ADCY3: variants seen among roughly 807,000 people sequenced by gnomAD.
ADCY3 encodes adenylate cyclase type 3.
ADCY3 carries 70 observed loss-of-function variants against 119.4 expected under a neutral mutation model. The ratio of observed to expected loss-of-function variants is 0.59; its 90% CI spans 0.48 to 0.72. ADCY3 has a LOEUF of 0.72. Among genes scored for constraint, ADCY3 ranks in the 30% least tolerant of loss-of-function variants. The probability of loss-of-function intolerance (pLI) is 0.00; values close to 1 mark genes in which losing one functional copy is unlikely to be tolerated. For synonymous variants in ADCY3, 672 were observed against 621.4 expected, an observed-to-expected ratio of 1.08 and a Z score of -1.21; for missense variants, 1,238 against 1,541.6, an observed-to-expected ratio of 0.80 and a Z score of 3.30.
chr2:24,839,799 G>T lies in ADCY3; in HGVS notation c.1355+74C>A, dbSNP rs1431370638. 3.7e-6 allele frequency: 6 copies of T among 1,600,946 alleles called. No homozygotes were observed. The East Asian group carries it at 1.1e-4, about 30-fold the overall frequency. ...CTGAGGCCCCCTGTCCCTCATCAGG[G>T]TCACAGCCCTGGGGGATGGAGGGGA... On this transcript the variant is annotated intron_variant, in intron 7 of 21. Coordinates refer to ENST00000679454, the MANE Select transcript of ADCY3 (RefSeq NM_004036.5).
At chr2:24,829,056 G>A (rs570143839) in intron 13 of ADCY3, among the ~76,000 whole-genome samples, 4 of 149,112 alleles carry the variant, frequency 2.7e-5, no homozygotes, top group African/African-American at 7.4e-5. Flanking sequence ...TCGCTCTGTC[G>A]CCCAGACTGG....
chr2:24,832,342 C>T (rs1282419766), intron 11 of ADCY3, among the ~76,000 whole-genome samples: 1 of 152,108 alleles, frequency 6.6e-6, no homozygotes, highest in Non-Finnish European at 1.5e-5. Flanking sequence ...TAGGAATGCA[C>T]CCCTGCCATG....
chr2:24,887,651 T>C (rs1420635625), intron 2 of ADCY3, among the ~76,000 whole-genome samples: 1 of 151,364 alleles, frequency 6.6e-6, no homozygotes, highest in Non-Finnish European at 1.5e-5. Context: ...ACACCTCCTC[T>C]CGGTGAGGCC....
intron 11 of ADCY3, among the ~76,000 whole-genome samples, chr2:24,833,647 T>A (rs1441444351): frequency 6.6e-6 from 1 of 152,260 alleles, no homozygotes; most frequent in African/African-American, 2.4e-5. Flanking sequence ...GGGGTTTCTG[T>A]GTGCCGCATC....
At chr2:24,860,067 CCT>C (rs1362907593) in intron 3 of ADCY3, among the ~76,000 whole-genome samples, 1 of 152,178 alleles carries the variant, frequency 6.6e-6, no homozygotes, top group Non-Finnish European at 1.5e-5. Context: ...TAGGCCTGCC[CCT>C]GTCATCCCTC....
intron 3 of ADCY3, among the ~76,000 whole-genome samples, chr2:24,849,037 T>G (rs1298237801): frequency 6.6e-6 from 1 of 152,104 alleles, no homozygotes; most frequent in Non-Finnish European, 1.5e-5. Context: ...GGAGGCGTGG[T>G]CAGGTGTGTG....
chr2:24,845,741 A>G (rs1380593539), intron 3 of ADCY3, among the ~76,000 whole-genome samples: 1 of 152,246 alleles, frequency 6.6e-6, no homozygotes, highest in East Asian at 1.9e-4. Context: ...CAATAGGGAA[A>G]ATGTCTCCAG....
intron 15 of ADCY3, 33 bp from the exon 16 acceptor site, chr2:24,826,159 T>C (rs754040252): frequency 9.4e-6 from 15 of 1,596,036 alleles, no homozygotes; most frequent in Non-Finnish European, 1.2e-5. Flanking sequence ...CTGAAAGGGC[T>C]GTCATCTGCC....
At chr2:24,902,792 G>A (rs990196763) in intron 2 of ADCY3, among the ~76,000 whole-genome samples, 3 of 152,204 alleles carry the variant, frequency 2.0e-5, no homozygotes, top group Non-Finnish European at 4.4e-5. Context: ...CACTTTGGGA[G>A]GCCGCGGTGG....
chr2:24,829,641 T>C (rs140564943), intron 13 of ADCY3, among the ~76,000 whole-genome samples: 7,097 of 151,094 alleles, frequency 0.047, 384 homozygotes, highest in African/African-American at 0.13. Context: ...CCAGGATGAT[T>C]TCGATCTCCT....
chr2:24,851,100 C>T (rs1672239547), intron 3 of ADCY3, among the ~76,000 whole-genome samples: 1 of 152,136 alleles, frequency 6.6e-6, no homozygotes, highest in South Asian at 2.1e-4. Context: ...CAGCTGTGAT[C>T]CTATCCCTGA....
At chr2:24,849,959 G>C (rs1672103097) in intron 3 of ADCY3, among the ~76,000 whole-genome samples, 1 of 152,130 alleles carries the variant, frequency 6.6e-6, no homozygotes, top group African/African-American at 2.4e-5. Context: ...TGGTGGCACT[G>C]ACCTGTCTTT....
chr2:24,917,725 C>T (rs1421305301), intron 2 of ADCY3, among the ~76,000 whole-genome samples: 1 of 152,148 alleles, frequency 6.6e-6, no homozygotes, highest in Non-Finnish European at 1.5e-5. Flanking sequence ...CACCATTCTC[C>T]ACTTCATAGA....
rs781401422 is a variant in ADCY3 at position 24,834,538 on chromosome 2, G to A, written c.1914C>T (p.Cys638=). The change falls in exon 11 of 22, where the codon TGC becomes TGT. Residue 638 remains cysteine (C), a synonymous_variant. Transcript: ENST00000679454. The surrounding 1 kb of genome is among the most constrained non-coding windows in gnomAD (Gnocchi z 4.2). ...KEKQSGAAFS[C]SCVVLLCTAL... The stretch of plus-strand genomic sequence containing the variant: ...CCGTGCAGAGCAGGACGACGCAGGA[G>A]CAGCTGAAGGCAGCCCCACTCTGCT... 5.6e-6 allele frequency: 9 copies of A among 1,613,804 alleles called. No homozygotes were observed. Among genetic ancestry groups the A allele is most frequent in the African/African-American group, 1.3e-5 (1 of 74,896 alleles).
Position 24,824,411 on chromosome 2 carries a change from T to G in ADCY3, c.2703A>C (p.Ala901=). 3 of 1,614,206 alleles carry G rather than the reference T, an allele frequency of 1.9e-6. No homozygotes were observed. The highest frequency in any genetic ancestry group is 2.5e-6 in the Non-Finnish European group (3 of 1,180,026). The change falls in exon 17 of 22, where the codon GCA becomes GCC. Residue 901 remains alanine, a synonymous_variant. Transcript: ENST00000679454. ...LVTNMLPEHV[A]RHFLGSKKRD... The stretch of plus-strand genomic sequence containing the variant: ...TCTTCTTGGACCCCAGGAAATGGCG[T>G]GCCACGTGCTCAGGCAACATGTTGG...
In ADCY3 at chr2:24,878,269, A is replaced by C. The variant is rs2148854722; in HGVS notation, c.676-5550T>G. Reference sequence around the variant, plus strand: ...CGGCTCAGAACGCAACCATGAGAACATTCCTTTACAAAATCCTCCCTCCTG... The same window carrying C: ...CGGCTCAGAACGCAACCATGAGAACCTTCCTTTACAAAATCCTCCCTCCTG... On this transcript the variant is annotated intron_variant, in intron 2 of 21. Transcript: ENST00000679454. This position sits in a 1 kb window ranked among gnomAD's most constrained non-coding sequence, Gnocchi z 4.0. Among the ~76,000 whole-genome samples the C allele has an allele frequency of 6.6e-6, 1 of 152,274 alleles. No individual in the cohort carries two copies.
intron 11 of ADCY3, among the ~76,000 whole-genome samples, chr2:24,832,592 T>C (rs966086334): frequency 7.2e-5 from 11 of 152,162 alleles, no homozygotes; most frequent in African/African-American, 2.7e-4. Flanking sequence ...GCTAAATCCA[T>C]GTCCCATTTT....
At chr2:24,875,508 T>C (rs1041481744) in intron 2 of ADCY3, among the ~76,000 whole-genome samples, 1 of 152,238 alleles carries the variant, frequency 6.6e-6, no homozygotes, top group East Asian at 1.9e-4. Flanking sequence ...TTGAGAGAGA[T>C]GATTCCAGAG....
rs1385703618 is a variant in ADCY3, at chr2:24,898,428, G to A, written c.675+19885C>T. ...AATGCACCTATGCAGGGCTGTCCTC[G>A]GGGAGAGGGGCTTCGTGTACTTCAC... On this transcript the variant is annotated intron_variant, in intron 2 of 21. Transcript: ENST00000679454. This position sits in a 1 kb window ranked among gnomAD's most constrained non-coding sequence, Gnocchi z 4.3. Among the ~76,000 whole-genome samples, 3 of 152,096 alleles carry A rather than the reference G, an allele frequency of 2.0e-5. No homozygotes were observed. The highest frequency in any genetic ancestry group is 2.9e-5 in the Non-Finnish European group (2 of 68,008).
Sources: gnomAD v4.1 joint callset for allele counts (sites outside exome capture counted in the v4.1 genomes callset) on GRCh38, gnomAD v4.1.1 for gene constraint, Gnocchi (gnomAD v3.1) non-coding constraint, MANE v1.5 for transcripts, NCBI Gene and HGNC (gene_info 2026-07-23, HGNC 2026-07-21) for gene names.